Variants in FMN2 observed in about 807,000 individuals in gnomAD.
FMN2 encodes formin 2.
Under a neutral mutation model 142.3 loss-of-function variants are expected in FMN2, and 51 were observed. The observed-to-expected ratio is 0.36, with a 90% CI of 0.29 to 0.45. The LOEUF (loss-of-function observed/expected upper bound fraction) is 0.45, where lower values mean the gene tolerates loss of function less well. Ranked by LOEUF, FMN2 falls within the 20% of genes least tolerant of loss-of-function variation. The probability of loss-of-function intolerance (pLI) is 1.00; values close to 1 mark genes in which losing one functional copy is unlikely to be tolerated. For missense variants in FMN2, 1,936 were observed against 2,122.8 expected, an observed-to-expected ratio of 0.91 and a Z score of 1.73; for synonymous variants, 882 against 869.8, an observed-to-expected ratio of 1.01 and a Z score of -0.25.
intron 15 of FMN2, among the ~76,000 whole-genome samples, chr1:240,435,796 T>A (rs1675348350): frequency 6.6e-6 from 1 of 152,216 alleles, no homozygotes; most frequent in Non-Finnish European, 1.5e-5. Context: ...GATAAAACTT[T>A]CAAAATGTTG....
intron 4 of FMN2, among the ~76,000 whole-genome samples, chr1:240,193,172 C>T (rs1409338060): frequency 6.6e-6 from 1 of 152,102 alleles, no homozygotes; most frequent in Non-Finnish European, 1.5e-5. Flanking sequence ...GAAAGGCAAA[C>T]AGTCCAAGCA....
intron 15 of FMN2, among the ~76,000 whole-genome samples, chr1:240,401,628 T>C (rs1673993105): frequency 6.6e-6 from 1 of 152,224 alleles, no homozygotes; most frequent in Non-Finnish European, 1.5e-5. Context: ...TAAAAATGGT[T>C]GAGAGTTATT....
chr1:240,283,307 G>C (rs1202900828), intron 7 of FMN2, among the ~76,000 whole-genome samples: 1 of 152,300 alleles, frequency 6.6e-6, no homozygotes, highest in Non-Finnish European at 1.5e-5. Flanking sequence ...AGTAATGTCT[G>C]TCTGTTGCTC....
At chr1:240,361,978 G>A (rs1372055555) in intron 14 of FMN2, among the ~76,000 whole-genome samples, 1 of 152,222 alleles carries the variant, frequency 6.6e-6, no homozygotes, top group African/African-American at 2.4e-5. Flanking sequence ...AAGGGCAAAT[G>A]CGAATACTCA....
chr1:240,390,594 C>T (rs2103095604), intron 14 of FMN2, among the ~76,000 whole-genome samples: 1 of 152,240 alleles, frequency 6.6e-6, no homozygotes, highest in Non-Finnish European at 1.5e-5. Context: ...CTCAGTTAAA[C>T]ATTATGTATG....
intron 2 of FMN2, among the ~76,000 whole-genome samples, chr1:240,147,195 A>G (rs78540050): frequency 0.015 from 2,282 of 152,304 alleles, 57 homozygotes; most frequent in African/African-American, 0.053. Context: ...TAACTTAAAT[A>G]ACTCAGTTAA....
At chr1:240,223,576 T>C (rs191082077) in intron 6 of FMN2, among the ~76,000 whole-genome samples, 62 of 152,328 alleles carry the variant, frequency 4.1e-4, no homozygotes, top group African/African-American at 1.0e-3. Context: ...CTGGTCTTTG[T>C]ACCTCTGGTA....
At chr1:240,124,892 T>C (rs1301367319) in intron 2 of FMN2, among the ~76,000 whole-genome samples, 1 of 152,122 alleles carries the variant, frequency 6.6e-6, no homozygotes, top group Non-Finnish European at 1.5e-5. Flanking sequence ...GTTCTTGAAC[T>C]CCTGACCTCG....
chr1:240,406,807 T>A (rs2103119022), intron 15 of FMN2, among the ~76,000 whole-genome samples: 1 of 152,290 alleles, frequency 6.6e-6, no homozygotes, highest in East Asian at 1.9e-4. Context: ...ACAAGTTTTC[T>A]AAAATCAATG....
At chr1:240,156,688 G>A (rs748776959) in intron 2 of FMN2, among the ~76,000 whole-genome samples, 15 of 152,178 alleles carry the variant, frequency 9.9e-5, no homozygotes, top group South Asian at 4.1e-4. Context: ...ATCCACTCTT[G>A]TGATGGGACG....
At chr1:240,245,401 A>G (rs1668042936) in intron 6 of FMN2, 1 of 419,752 alleles carries the variant, frequency 2.4e-6, no homozygotes, top group Non-Finnish European at 4.9e-6. Context: ...TGGTAGTGAA[A>G]GAGAAGAATG....
rs780595882 is a variant in FMN2, at chr1:240,328,147, CAAAAAAAA to C, written c.4216-911_4216-904del. Among the ~76,000 whole-genome samples, 354 of 51,442 alleles carry C rather than the reference CAAAAAAAA, an allele frequency of 6.9e-3. 8 individuals are homozygous for C. Among genetic ancestry groups the C allele is most frequent in the Non-Finnish European group, 8.2e-3 (233 of 28,266 alleles). The allele number at this position is 51,442 out of a possible 152,430, so 33.7% of individuals were successfully genotyped here. ...TGGGTGACGGAGCAAGACCCCATCT[CAAAAAAAA>C]AAAAAAAAAAAAAAAAAGAAAAAGA... On this transcript the variant is annotated intron_variant, in intron 8 of 17. Transcript: ENST00000319653.
chr1:240,221,704 A>G (rs1422771978), intron 6 of FMN2, among the ~76,000 whole-genome samples: 1 of 151,912 alleles, frequency 6.6e-6, no homozygotes, highest in Non-Finnish European at 1.5e-5. Context: ...CTCTGATGAT[A>G]GTTTGTTTTG....
chr1:240,216,248 A>AG (rs1258569414), intron 6 of FMN2, among the ~76,000 whole-genome samples: 2 of 152,240 alleles, frequency 1.3e-5, no homozygotes, highest in Non-Finnish European at 2.9e-5. Flanking sequence ...GGTAAAAAAA[A>AG]GAATCATCTT....
chr1:240,361,954 G>A (rs997523757), intron 14 of FMN2, among the ~76,000 whole-genome samples: 1 of 152,204 alleles, frequency 6.6e-6, no homozygotes, highest in Non-Finnish European at 1.5e-5. Flanking sequence ...CCAGAATTGG[G>A]AAGAGTTTCA....
chr1:240,311,424 C>A (rs1407710890), intron 8 of FMN2, among the ~76,000 whole-genome samples: 1 of 152,042 alleles, frequency 6.6e-6, no homozygotes, highest in Admixed American at 6.5e-5. Context: ...TTGACTTTCC[C>A]CACATAGCTG....
intron 13 of FMN2, among the ~76,000 whole-genome samples, chr1:240,346,020 A>G (rs915055537): frequency 6.6e-5 from 10 of 152,170 alleles, no homozygotes; most frequent in African/African-American, 9.7e-5. Flanking sequence ...TACCTGCATT[A>G]AAAATGGGTA....
At chr1:240,403,459 C>A (rs1284922200) in intron 15 of FMN2, among the ~76,000 whole-genome samples, 1 of 152,136 alleles carries the variant, frequency 6.6e-6, no homozygotes, top group East Asian at 1.9e-4. Flanking sequence ...CATGGCAAAA[C>A]CTCATCTCTA....
chr1:240,401,283 T>G (rs114981616), intron 15 of FMN2, among the ~76,000 whole-genome samples: 92 of 152,322 alleles, frequency 6.0e-4, no homozygotes, highest in African/African-American at 2.1e-3. Flanking sequence ...ATTTCTCCTT[T>G]TATTTTTATT....
Sources: gnomAD v4.1 joint callset for allele counts (sites outside exome capture counted in the v4.1 genomes callset) on GRCh38, gnomAD v4.1.1 for gene constraint, MANE v1.5 for transcripts, NCBI Gene and HGNC (gene_info 2026-07-23, HGNC 2026-07-21) for gene names.